The following BLTP1 variants were observed in gnomAD, a reference collection of about 807,000 sequenced individuals.
BLTP1 encodes fragile site-associated protein.
chr4:122,194,833 T>C, the BLTP1 span: 5 of 274,222 alleles, frequency 1.8e-5, no homozygotes, highest in African/African-American at 2.3e-5. Context: ...CTCCTTTCAG[T>C]AGATTTTTCC....
At chr4:122,170,539 C>T in the BLTP1 span, 2 of 1,380,768 alleles carry the variant, frequency 1.4e-6, no homozygotes, top group East Asian at 3.0e-5. Context: ...TTAAATTCAC[C>T]CTTTTTTTCC....
At chr4:122,239,746 C>A in the BLTP1 span, 1 of 1,614,146 alleles carries the variant, frequency 6.2e-7, no homozygotes, top group Non-Finnish European at 8.5e-7. Flanking sequence ...GTACTAGACT[C>A]ACCAAAGCAG....
the BLTP1 span, chr4:122,302,372 A>G: frequency 2.0e-5 from 6 of 299,720 alleles, no homozygotes; most frequent in African/African-American, 1.4e-4. Flanking sequence ...TGAAGGTGCC[A>G]TTTTTCCAAT....
At chr4:122,331,326 A>G in the BLTP1 span, 1 of 1,608,252 alleles carries the variant, frequency 6.2e-7, no homozygotes, top group Middle Eastern at 1.7e-4. Context: ...CTTTCTGTAG[A>G]CATACGTCTC....
At chr4:122,356,071 G>A in the BLTP1 span, 14 of 999,352 alleles carry the variant, frequency 1.4e-5, no homozygotes, top group Admixed American at 7.8e-5. Flanking sequence ...TGGATTTTTT[G>A]TAATACTAAT....
chr4:122,213,700 G>C, the BLTP1 span, among the ~76,000 whole-genome samples: 1 of 152,014 alleles, frequency 6.6e-6, no homozygotes, highest in African/African-American at 2.4e-5. Flanking sequence ...ATTCTAAGAA[G>C]AATATGTCTA....
chr4:122,346,473 T>C, the BLTP1 span: 27 of 1,365,982 alleles, frequency 2.0e-5, no homozygotes, highest in African/African-American at 2.7e-4. Flanking sequence ...TAGAATGTGC[T>C]GTTTTTGTAA....
At chr4:122,263,629 A>C in the BLTP1 span, 1 of 1,473,246 alleles carries the variant, frequency 6.8e-7, no homozygotes, top group African/African-American at 1.4e-5. Flanking sequence ...ATTTTGCTTA[A>C]CTGTCTTAAG....
the BLTP1 span, chr4:122,247,464 T>G: frequency 7.6e-7 from 1 of 1,317,592 alleles, no homozygotes. Flanking sequence ...AATTCGGTAT[T>G]CTATAAGAAA....
chr4:122,324,389 C>A, the BLTP1 span: 1 of 1,581,872 alleles, frequency 6.3e-7, no homozygotes, highest in South Asian at 1.2e-5. Flanking sequence ...AGTAAATAAT[C>A]ACCTATAGTC....
chr4:122,242,727 G>A, the BLTP1 span, among the ~76,000 whole-genome samples: 1 of 152,086 alleles, frequency 6.6e-6, no homozygotes, highest in African/African-American at 2.4e-5. Context: ...AATTTAAAAA[G>A]AAACTCTGGA....
chr4:122,200,503 C>A, the BLTP1 span: 1 of 816,024 alleles, frequency 1.2e-6, no homozygotes, highest in African/African-American at 1.9e-5. Flanking sequence ...TTGCTTGAAG[C>A]TGGGAGGCGG....
chr4:122,243,169 T>C, the BLTP1 span: 1 of 1,204,852 alleles, frequency 8.3e-7, no homozygotes, highest in Non-Finnish European at 1.2e-6. Context: ...ATGAACTTTA[T>C]ATTAAGAATA....
chr4:122,186,093 A>G, the BLTP1 span: 17 of 1,612,172 alleles, frequency 1.1e-5, no homozygotes, highest in Non-Finnish European at 1.4e-5. Flanking sequence ...TTTCATGTCT[A>G]TAATCGCTCG....
chr4:122,251,965 C>T, the BLTP1 span, among the ~76,000 whole-genome samples: 1 of 152,114 alleles, frequency 6.6e-6, no homozygotes, highest in Admixed American at 6.5e-5. Context: ...GCCTTTTAGA[C>T]ATCATCATTT....
the BLTP1 span, chr4:122,315,274 G>A: frequency 2.0e-5 from 6 of 304,822 alleles, no homozygotes; most frequent in African/African-American, 1.4e-4. Context: ...AAAGAAAATA[G>A]GTGCTATACA....
the BLTP1 span, chr4:122,349,217 G>A: frequency 1.2e-6 from 2 of 1,613,062 alleles, no homozygotes; most frequent in East Asian, 2.2e-5. The surrounding 1 kb of genome is among the most constrained non-coding windows in gnomAD (Gnocchi z 4.5). Context: ...AATCGTGATC[G>A]AGAGATCAGC....
At chr4:122,207,882 G>C in the BLTP1 span, 1 of 984,470 alleles carries the variant, frequency 1.0e-6, no homozygotes, top group Non-Finnish European at 1.2e-6. Context: ...GTTCATTTCT[G>C]ATCTCTGTGG....
the BLTP1 span, chr4:122,239,418 A>G: frequency 3.5e-5 from 35 of 1,004,354 alleles, no homozygotes; most frequent in Non-Finnish European, 4.9e-5. Context: ...TGTAAAGTAC[A>G]TGATTAAAAT....
Sources: allele counts gnomAD v4.1 joint callset (sites outside exome capture counted in the v4.1 genomes callset), GRCh38; gene constraint gnomAD v4.1.1; non-coding constraint Gnocchi (gnomAD v3.1); transcripts MANE v1.5; gene names NCBI Gene and HGNC (gene_info 2026-07-23, HGNC 2026-07-21).